Variants in MLXIPL observed in about 807,000 individuals in gnomAD.
MLXIPL encodes MLX interacting protein like, also known as carbohydrate-responsive element-binding protein.
In MLXIPL, 49 loss-of-function variants were observed where a neutral mutation model predicts 81.5. The ratio of observed to expected loss-of-function variants is 0.60; its 90% confidence interval spans 0.48 to 0.76. The LOEUF is 0.76. Ranked by LOEUF, MLXIPL falls within the 30% of genes least tolerant of loss-of-function variation. MLXIPL has a pLI of 0.00. For synonymous variants in MLXIPL, 466 were observed against 485.5 expected, an observed-to-expected ratio of 0.96 and a Z score of 0.53; for missense variants, 1,053 against 1,167.0, an observed-to-expected ratio of 0.90 and a Z score of 1.42.
At chr7:73,630,995 G>C in the MLXIPL span, among the ~76,000 whole-genome samples, 1 of 151,426 alleles carries the variant, frequency 6.6e-6, no homozygotes. Context: ...TTGCAGAACA[G>C]TCACACTAGG....
At position 73,603,679 on chromosome 7, in the gene MLXIPL, G is replaced by A. The variant is rs528223259; in HGVS notation, c.901+2009C>T. On this transcript the variant is annotated intron_variant, in intron 7 of 16. Coordinates refer to ENST00000313375, the MANE Select transcript of MLXIPL (RefSeq NM_032951.3). ...CCCAGGGGCTTCGATGAGACGGGCT[G>A]AGCCTGGATATCTACCTGGCCCGCA... Among the ~76,000 whole-genome samples, 6 of 152,336 alleles carry A rather than the reference G, an allele frequency of 3.9e-5. No homozygotes were observed. The East Asian group carries it at 1.2e-3, about 29-fold the overall frequency.
chr7:73,597,382 G>C lies in MLXIPL; in HGVS notation c.1403C>G (p.Thr468Ser). The C allele has an allele frequency of 6.9e-7, 1 of 1,452,794 alleles. No homozygotes were observed. The allele number at this position is 1,452,794 out of a possible 1,614,324, so 90.0% of individuals were successfully genotyped here. A position where few individuals can be genotyped will look rare whatever the true frequency, so the allele number is the denominator to read the frequency against. ...GGGTAGAAGCTCTATGGGGAAGGGG[G>C]TGGGGGCTGGGCTGGGGACAGACTG... ...TPQSVPSPAP[T>S]PFPIELLPLG... Residue 468 changes from threonine (T) to serine (S), a missense_variant, in exon 9 of 17, where the codon ACC (threonine) becomes AGC (serine). Around this residue, in one of 3 missense-constraint regions of MLXIPL, gnomAD observed 823 missense variants for 933.0 expected, o/e 0.88. Coordinates refer to ENST00000313375, the MANE Select transcript of MLXIPL (RefSeq NM_032951.3).
intron 5 of MLXIPL, chr7:73,606,765 A>G (rs782083359): frequency 1.0e-5 from 6 of 590,130 alleles, no homozygotes; most frequent in Non-Finnish European, 1.5e-5. Flanking sequence ...CACTTGCTCA[A>G]TGACCTGGGG....
chr7:73,643,287 G>C, the MLXIPL span, among the ~76,000 whole-genome samples: 1 of 152,090 alleles, frequency 6.6e-6, no homozygotes, highest in Non-Finnish European at 1.5e-5. Context: ...GGCCGAGGCG[G>C]GCGGATCACG....
the MLXIPL span, among the ~76,000 whole-genome samples, chr7:73,636,222 C>A: frequency 3.3e-4 from 50 of 152,058 alleles, no homozygotes; most frequent in East Asian, 9.7e-3. Flanking sequence ...CTAGCCTGGC[C>A]AATATGGTGA....
At chr7:73,634,286 C>T in the MLXIPL span, among the ~76,000 whole-genome samples, 3 of 152,126 alleles carry the variant, frequency 2.0e-5, no homozygotes, top group Admixed American at 6.6e-5. Context: ...ATCCAAAACA[C>T]TTTGAGAGGC....
chr7:73,638,269 C>T, the MLXIPL span, among the ~76,000 whole-genome samples: 1 of 152,244 alleles, frequency 6.6e-6, no homozygotes, highest in Non-Finnish European at 1.5e-5. Context: ...TTAAGTCACT[C>T]GCTTGAGGTA....
chr7:73,645,727 G>A, the MLXIPL span, among the ~76,000 whole-genome samples: 2 of 152,162 alleles, frequency 1.3e-5, no homozygotes, highest in South Asian at 2.1e-4. Flanking sequence ...CCCGGAGGAG[G>A]ACAGGGCTTG....
At chr7:73,647,871 G>T in the MLXIPL span, among the ~76,000 whole-genome samples, 475 of 150,954 alleles carry the variant, frequency 3.1e-3, 1 homozygote, top group African/African-American at 0.011. Flanking sequence ...GCCGGACCGC[G>T]CCCGGCGCCT....
chr7:73,616,068 C>G lies in MLXIPL; in HGVS notation c.400+3G>C. The G allele has an allele frequency of 6.2e-7, 1 of 1,612,996 alleles. No individual in the cohort carries two copies. ...GCTTGGGAGGCTGGTGGTAGCCACTCACACTGGATATACCAGGCCCTCCAG... is the reference window on the plus strand; with the variant it reads ...GCTTGGGAGGCTGGTGGTAGCCACTGACACTGGATATACCAGGCCCTCCAG... On this transcript the variant is annotated splice_donor_region_variant and intron_variant, in intron 2 of 16. Transcript: ENST00000313375.
intron 1 of MLXIPL, among the ~76,000 whole-genome samples, chr7:73,620,087 A>G (rs1468548942): frequency 6.6e-6 from 1 of 151,752 alleles, no homozygotes; most frequent in African/African-American, 2.4e-5. Context: ...TGGGCAATAC[A>G]GTGAGACCTT....
At chr7:73,612,045 G>A (rs1043747758) in intron 2 of MLXIPL, among the ~76,000 whole-genome samples, 4 of 152,112 alleles carry the variant, frequency 2.6e-5, no homozygotes, top group African/African-American at 9.7e-5. Context: ...GTTTGTCCTG[G>A]TACGGTGTGG....
chr7:73,631,354 T>C, the MLXIPL span, among the ~76,000 whole-genome samples: 1 of 151,906 alleles, frequency 6.6e-6, no homozygotes, highest in Non-Finnish European at 1.5e-5. Context: ...GAATGAACAC[T>C]CTACAGCTAA....
intron 7 of MLXIPL, among the ~76,000 whole-genome samples, chr7:73,601,242 C>T (rs1409074853): frequency 6.6e-6 from 1 of 151,228 alleles, no homozygotes; most frequent in African/African-American, 2.4e-5. Flanking sequence ...CAACCCCATC[C>T]CCCAGAGATA....
At chr7:73,637,473 TG>T in the MLXIPL span, among the ~76,000 whole-genome samples, 3 of 149,672 alleles carry the variant, frequency 2.0e-5, no homozygotes, top group South Asian at 2.1e-4. Flanking sequence ...AGACTCTGTC[TG>T]GAAAAAAAAA....
chr7:73,597,677 C>A lies in MLXIPL; in HGVS notation c.1108G>T (p.Ala370Ser). 7.3e-7 allele frequency: 1 copy of A among 1,369,354 alleles called. No individual in the cohort carries two copies. Among genetic ancestry groups the A allele is most frequent in the South Asian group, 2.2e-5 (1 of 46,298 alleles). The allele number at this position is 1,369,354 out of a possible 1,614,324, so 84.8% of individuals were successfully genotyped here. Residue 370 changes from alanine (A) to serine (S), a missense_variant, in exon 9 of 17, where the codon GCC becomes TCC. This residue lies in a region of MLXIPL where 823 missense variants were observed against 933.0 expected (regional missense o/e 0.88). Transcript: ENST00000313375. ...AGGAGGAAATCAGAACTCAGGAAGGCGCTGGAGTCCAAGGGGCCAGGGCAG... is the reference window on the plus strand; with the variant it reads ...AGGAGGAAATCAGAACTCAGGAAGGAGCTGGAGTCCAAGGGGCCAGGGCAG... The part of the protein sequence containing the change: ...NSCPGPLDSS[A>S]FLSSDFLLPE...
chr7:73,622,355 G>T (rs184155023), intron 1 of MLXIPL, among the ~76,000 whole-genome samples: 2 of 152,030 alleles, frequency 1.3e-5, no homozygotes, highest in East Asian at 3.9e-4. Flanking sequence ...AGCTGGAGGT[G>T]GTGGGCGCCT....
At chr7:73,606,814 G>A in intron 5 of MLXIPL, 160 bp downstream of exon 5, 3 of 803,288 alleles carry the variant, frequency 3.7e-6, no homozygotes, top group Non-Finnish European at 6.2e-6. Context: ...AAGAAGAGAA[G>A]AGCTCAACAA....
chr7:73,644,293 C>T, the MLXIPL span, among the ~76,000 whole-genome samples: 27 of 151,966 alleles, frequency 1.8e-4, no homozygotes, highest in African/African-American at 5.1e-4. Context: ...CTGCAACCTC[C>T]ACCCCCAGGC....
Sources: gnomAD v4.1 joint callset for allele counts (sites outside exome capture counted in the v4.1 genomes callset) on GRCh38, gnomAD v4.1.1 for gene constraint, gnomAD v4.1.1 regional missense constraint, MANE v1.5 for transcripts, NCBI Gene and HGNC (gene_info 2026-07-23, HGNC 2026-07-21) for gene names.